EGFL6: variants seen among roughly 807,000 people sequenced by gnomAD.
The protein encoded by EGFL6 is EGF like domain multiple 6, also known as epidermal growth factor-like protein 6.
In EGFL6, 42 loss-of-function variants were observed where a neutral mutation model predicts 43.1. That is an observed-to-expected ratio of 0.98 (90% CI 0.76 to 1.26). The LOEUF is 1.26. Ranked by LOEUF, EGFL6 falls within the 50% of genes most tolerant of loss-of-function variation. The probability of loss-of-function intolerance (pLI) is 0.00; values close to 1 mark genes in which losing one functional copy is unlikely to be tolerated. For synonymous variants in EGFL6, 164 were observed against 163.2 expected (o/e 1.01, Z -0.04); for missense variants, 429 against 427.8 (o/e 1.00, Z -0.02).
rs763509972 is a variant in EGFL6, at chrX:13,609,626, C to T, written c.778+1180C>T. Among the ~76,000 whole-genome samples, 49 of 110,764 alleles carry T rather than the reference C, an allele frequency of 4.4e-4. 1 individual carries two copies. Among genetic ancestry groups the T allele is most frequent in the South Asian group, 1.2e-3 (3 of 2,572 alleles). ...AAAATTAGCCGGGCATGGTGGTGCA[C>T]GTCTCTAATCCCAACTACTCAGGAG... On this transcript the variant is annotated intron_variant, in intron 7 of 11. Coordinates refer to ENST00000361306, the MANE Select transcript of EGFL6 (RefSeq NM_015507.4).
At position 13,581,890 on chromosome X, in the gene EGFL6, A is replaced by G. The variant is rs1407830650; in HGVS notation, c.75-7666A>G. On this transcript the variant is annotated intron_variant, in intron 1 of 11. Transcript: ENST00000361306. ...CAGAGACTTGTTCACCTACATTAGC[A>G]TTTCCCTGTCTCAAGACTCGGTTCC... is the stretch of plus-strand genomic sequence containing the variant. 4.5e-5 allele frequency among the ~76,000 whole-genome samples: 5 copies of G among 111,094 alleles called. No individual in the cohort carries two copies. In the East Asian group the frequency reaches 1.4e-3, roughly 31 times the overall value.
At chrX:13,572,745 C>T (rs1403672335) in intron 1 of EGFL6, among the ~76,000 whole-genome samples, 1 of 112,042 alleles carries the variant, frequency 8.9e-6, no homozygotes, top group African/African-American at 3.2e-5. Flanking sequence ...CTTACAGAGA[C>T]CACATGCTAT....
At position 13,625,914 on chromosome X, in the gene EGFL6, AAAAG is replaced by A. The variant is rs1460381194; in HGVS notation, c.1286-1093_1286-1090del. On this transcript the variant is annotated intron_variant, in intron 10 of 11. Transcript: ENST00000361306. Reference sequence around the variant, plus strand: ...AAAAAAAAAAAAAAAGAAAAAGAAAAAAAGAAAAGAGACATGAATGAGTTAGCAT... The same window carrying A: ...AAAAAAAAAAAAAAAGAAAAAGAAAAAAAAGAGACATGAATGAGTTAGCAT... Among the ~76,000 whole-genome samples, 20 of 104,481 alleles carry A rather than the reference AAAAG, an allele frequency of 1.9e-4. No individual in the cohort carries two copies. In the Admixed American group the frequency reaches 2.1e-3, roughly 11 times the overall value. The allele number at this position is 104,481 out of a possible 115,157, so 90.7% of individuals were successfully genotyped here.
In EGFL6 at chrX:13,630,999, A is replaced by G. The variant is rs1464044612; in HGVS notation, c.1552-1986A>G. Among the ~76,000 whole-genome samples, 4 of 111,841 alleles carry G rather than the reference A, an allele frequency of 3.6e-5. No homozygotes were observed. In the East Asian group the frequency reaches 1.1e-3, roughly 32 times the overall value. On this transcript the variant is annotated intron_variant, in intron 11 of 11. Transcript: ENST00000361306. ...AAAAGGAAATTACTTTTTTGAAAAT[A>G]AGAAAAGATTCATAATCATACTACA...
At chrX:13,615,661 G>T (rs999845790) in intron 7 of EGFL6, among the ~76,000 whole-genome samples, 8 of 112,233 alleles carry the variant, frequency 7.1e-5, no homozygotes, top group Non-Finnish European at 1.1e-4. Context: ...CTATAGTCAG[G>T]CTGTCACAAT....
intron 1 of EGFL6, among the ~76,000 whole-genome samples, chrX:13,583,233 C>A (rs1471166015): frequency 9.0e-6 from 1 of 110,852 alleles, no homozygotes; most frequent in Non-Finnish European, 1.9e-5. Flanking sequence ...ATGGTGCTGT[C>A]CTTGGCACAG....
chrX:13,570,076 C>A, intron 1 of EGFL6, 141 bp downstream of exon 1: 1 of 614,480 alleles, frequency 1.6e-6, no homozygotes, highest in Non-Finnish European at 2.6e-6. Context: ...GGGATTTAAC[C>A]TGGATACCAG....
chrX:13,575,456 T>C (rs2045466670), intron 1 of EGFL6, among the ~76,000 whole-genome samples: 1 of 111,413 alleles, frequency 9.0e-6, no homozygotes, highest in Admixed American at 9.5e-5. Context: ...GGAAAGACCA[T>C]GTATGGACAC....
In EGFL6 at chrX:13,607,357, C is replaced by T. The variant is rs143350762; in HGVS notation, c.655+844C>T. 4.4e-3 allele frequency among the ~76,000 whole-genome samples: 492 copies of T among 111,537 alleles called. 7 individuals carry two copies. Among genetic ancestry groups the T allele is most frequent in the Admixed American group, 0.03 (319 of 10,482 alleles). On this transcript the variant is annotated intron_variant, in intron 6 of 11. Coordinates refer to ENST00000361306, the MANE Select transcript of EGFL6 (RefSeq NM_015507.4). ...GAGAAAAAATAGGATTTCTTTCAAC[C>T]CTATACTCAGGGCTTCCCAGGACAC...
At position 13,612,038 on chromosome X, in the gene EGFL6, C is replaced by CTT. The variant is rs760314429; in HGVS notation, c.778+3602_778+3603dup. On this transcript the variant is annotated intron_variant, in intron 7 of 11. Coordinates refer to ENST00000361306, the MANE Select transcript of EGFL6 (RefSeq NM_015507.4). Reference sequence around the variant, plus strand: ...AAAGAAGGATGCCTCAAAATCCACTCTTTTTTTTTTTAAATTTTTTTAGTA... The same window carrying CTT: ...AAAGAAGGATGCCTCAAAATCCACTCTTTTTTTTTTTTTAAATTTTTTTAGTA... Among the ~76,000 whole-genome samples the CTT allele has an allele frequency of 6.6e-3, 689 of 104,895 alleles. 8 individuals carry two copies. Among genetic ancestry groups the CTT allele is most frequent in the African/African-American group, 0.023 (664 of 28,958 alleles). 91.1% of individuals were successfully genotyped at this position (104,895 alleles called of 115,157 possible).
chrX:13,617,149 AT>A (rs1314142584), intron 7 of EGFL6, among the ~76,000 whole-genome samples: 1 of 112,620 alleles, frequency 8.9e-6, no homozygotes, highest in Non-Finnish European at 1.9e-5. Flanking sequence ...TCTCTGAAAT[AT>A]TTAATAAATA....
intron 1 of EGFL6, among the ~76,000 whole-genome samples, chrX:13,570,181 G>A (rs757487410): frequency 9.0e-6 from 1 of 111,683 alleles, no homozygotes; most frequent in Non-Finnish European, 1.9e-5. Flanking sequence ...CCACCTGGCT[G>A]CGTCCGGAGG....
intron 10 of EGFL6, among the ~76,000 whole-genome samples, chrX:13,626,041 A>G (rs184997022): frequency 7.1e-5 from 8 of 112,059 alleles, no homozygotes; most frequent in Admixed American, 2.8e-4. Context: ...CGTAGCTGAA[A>G]GAGATGCCAG....
intron 5 of EGFL6, 55 bp downstream of exon 5, chrX:13,603,491 T>C (rs896377116): frequency 3.6e-6 from 4 of 1,112,258 alleles, no homozygotes; most frequent in East Asian, 6.3e-5. Context: ...ACTCCCCTTT[T>C]ACTGAATCTT....
intron 1 of EGFL6, among the ~76,000 whole-genome samples, chrX:13,583,035 A>G (rs770155143): frequency 1.8e-5 from 2 of 111,182 alleles, no homozygotes; most frequent in Non-Finnish European, 3.8e-5. Flanking sequence ...GATATTTCCA[A>G]CTGCTTGAAA....
At position 13,633,244 on chromosome X, in the gene EGFL6, GATATGCC is replaced by G. The variant is rs1009678185; in HGVS notation, c.*151_*157del. The G allele has an allele frequency of 7.1e-6, 3 of 424,671 alleles. No homozygotes were observed. The African/African-American group carries it at 7.8e-5, about 11-fold the overall frequency. 35.0% of individuals were successfully genotyped at this position (424,671 alleles called of 1,213,427 possible). On this transcript the variant is annotated 3_prime_UTR_variant, in exon 12 of 12. Coordinates refer to ENST00000361306, the MANE Select transcript of EGFL6 (RefSeq NM_015507.4). ...ATTGTAAGATGCCTTTCTTGTATAA[GATATGCC>G]AATATTTGCTTTAAATATCATATCA...
intron 5 of EGFL6, among the ~76,000 whole-genome samples, chrX:13,605,351 T>C (rs1002634565): frequency 3.6e-5 from 4 of 110,238 alleles, no homozygotes; most frequent in Admixed American, 1.9e-4. Context: ...GGTGGGAGGA[T>C]AGCTTGGACT....
intron 1 of EGFL6, among the ~76,000 whole-genome samples, chrX:13,574,299 C>T (rs2045458679): frequency 1.8e-5 from 2 of 111,950 alleles, no homozygotes; most frequent in African/African-American, 3.2e-5. Context: ...TCTCAGGAAT[C>T]GTGAAATGAG....
chrX:13,604,747 A>G (rs1321775201), intron 5 of EGFL6, among the ~76,000 whole-genome samples: 1 of 112,287 alleles, frequency 8.9e-6, no homozygotes, highest in African/African-American at 3.2e-5. Context: ...AGCACTTAGC[A>G]TTAATGAGGG....
Sources: gnomAD v4.1 joint callset for allele counts (sites outside exome capture counted in the v4.1 genomes callset) on GRCh38, gnomAD v4.1.1 for gene constraint, MANE v1.5 for transcripts, NCBI Gene and HGNC (gene_info 2026-07-23, HGNC 2026-07-21) for gene names.